KAZN: variants seen among roughly 807,000 people sequenced by gnomAD.
The protein encoded by KAZN is kazrin.
In KAZN, 40 loss-of-function variants were observed where a neutral mutation model predicts 87.4. The ratio of observed to expected loss-of-function variants is 0.46; its 90% CI spans 0.36 to 0.60. The LOEUF is 0.60. Ranked by LOEUF, KAZN falls within the 20% of genes least tolerant of loss-of-function variation. The pLI is 0.00. For missense variants in KAZN, 898 were observed against 1,073.9 expected, an observed-to-expected ratio of 0.84 and a Z score of 2.29; for synonymous variants, 466 against 458.3, an observed-to-expected ratio of 1.02 and a Z score of -0.22.
chr1:14,782,554 C>CAAAAAAAAAAAAAAAAAAAAAAA (rs71572122), intron 1 of KAZN, among the ~76,000 whole-genome samples: 2 of 66,252 alleles, frequency 3.0e-5, no homozygotes, highest in African/African-American at 5.8e-5. Flanking sequence ...CCTCAAAGAG[C>CAAAAAAAAAAAAAAAAAAAAAAA]AAAAAAAAAA....
intron 2 of KAZN, among the ~76,000 whole-genome samples, chr1:14,470,921 G>C (rs1378519591): frequency 6.6e-6 from 1 of 152,156 alleles, no homozygotes; most frequent in African/African-American, 2.4e-5. Flanking sequence ...GCTCTGGGGG[G>C]AGCCAGCTGC....
chr1:14,799,846 C>T (rs1170451503), intron 1 of KAZN, among the ~76,000 whole-genome samples: 1 of 152,158 alleles, frequency 6.6e-6, no homozygotes, highest in Non-Finnish European at 1.5e-5. Flanking sequence ...TTATAGGAAG[C>T]CTTGGAGACC....
rs1223136834 is a variant in KAZN at position 14,238,538 on chromosome 1, TAACA to T, written c.249+57956_249+57959del. On this transcript the variant is annotated intron_variant, in intron 2 of 16. Transcript: ENST00000636203. ...GCCTGGTGGTCACATACCAACATGT[TAACA>T]AACAAACAAGCAACAACACGCTTAT... 8.5e-5 allele frequency among the ~76,000 whole-genome samples: 13 copies of T among 152,352 alleles called. 1 individual carries two copies. Among genetic ancestry groups the T allele is most frequent in the South Asian group, 2.1e-4 (1 of 4,826 alleles).
chr1:15,042,219 G>A (rs1249294632), intron 3 of KAZN, among the ~76,000 whole-genome samples: 1 of 152,192 alleles, frequency 6.6e-6, no homozygotes, highest in Non-Finnish European at 1.5e-5. Context: ...CATTTTATAA[G>A]CAGCCTCTTG....
At chr1:15,058,823 A>T (rs956116840) in intron 5 of KAZN, among the ~76,000 whole-genome samples, 1 of 152,134 alleles carries the variant, frequency 6.6e-6, no homozygotes, top group African/African-American at 2.4e-5. Context: ...GTTCGAGACC[A>T]GCCTGGCCAG....
At chr1:14,991,227 G>A (rs10927620) in intron 2 of KAZN, among the ~76,000 whole-genome samples, 63,532 of 151,704 alleles carry the variant, frequency 0.42, 15,068 homozygotes, top group African/African-American at 0.63. Flanking sequence ...GGTGGTGGGC[G>A]CCTGTAATCC....
At chr1:15,031,735 C>T (rs1671729571) in intron 2 of KAZN, among the ~76,000 whole-genome samples, 1 of 152,066 alleles carries the variant, frequency 6.6e-6, no homozygotes, top group Non-Finnish European at 1.5e-5. Context: ...TACCAAGTAG[C>T]TGGGACCACA....
At chr1:14,327,755 G>T (rs1365909772) in intron 2 of KAZN, among the ~76,000 whole-genome samples, 1 of 152,174 alleles carries the variant, frequency 6.6e-6, no homozygotes, top group Non-Finnish European at 1.5e-5. Flanking sequence ...GCTATCATCA[G>T]CCCCACGGTG....
intron 1 of KAZN, among the ~76,000 whole-genome samples, chr1:14,000,728 G>T (rs950044206): frequency 1.3e-5 from 2 of 152,160 alleles, no homozygotes; most frequent in Middle Eastern, 3.2e-3. Flanking sequence ...AAGAAATAAA[G>T]GTATTCAGAT....
At chr1:14,528,857 TCTCCTCTGAACAAACTCCA>T (rs1672056178) in intron 2 of KAZN, among the ~76,000 whole-genome samples, 1 of 151,566 alleles carries the variant, frequency 6.6e-6, no homozygotes, top group Non-Finnish European at 1.5e-5. Flanking sequence ...CAACATTGTC[TCTCCTCTGAACAAACTCCA>T]CTTTATTCAT....
chr1:14,676,162 T>TCAAA (rs1640207567), intron 1 of KAZN, among the ~76,000 whole-genome samples: 1 of 152,242 alleles, frequency 6.6e-6, no homozygotes, highest in African/African-American at 2.4e-5. Context: ...CCTCCTCGGA[T>TCAAA]GCTGGCATTG....
intron 1 of KAZN, among the ~76,000 whole-genome samples, chr1:13,907,349 G>A (rs1389647187): frequency 6.6e-6 from 1 of 152,196 alleles, no homozygotes; most frequent in African/African-American, 2.4e-5. Context: ...ACTGTGCCAG[G>A]ATGCTTGGCA....
intron 1 of KAZN, among the ~76,000 whole-genome samples, chr1:13,990,884 C>T (rs1317701824): frequency 6.6e-6 from 1 of 152,116 alleles, no homozygotes; most frequent in Non-Finnish European, 1.5e-5. Flanking sequence ...TACTGTAAAT[C>T]CTTTCAACTT....
intron 1 of KAZN, among the ~76,000 whole-genome samples, chr1:14,925,005 C>G (rs974615816): frequency 3.3e-5 from 5 of 152,222 alleles, no homozygotes; most frequent in Non-Finnish European, 5.9e-5. Context: ...CCCTCCGAGG[C>G]GAAATTGATG....
intron 2 of KAZN, among the ~76,000 whole-genome samples, chr1:14,419,948 G>C (rs185343235): frequency 7.2e-5 from 11 of 152,162 alleles, no homozygotes; most frequent in Admixed American, 5.2e-4. Flanking sequence ...CTTCCACAAG[G>C]TGGAAGGGAA....
At chr1:14,792,620 G>T (rs1572494017) in intron 1 of KAZN, among the ~76,000 whole-genome samples, 1 of 152,114 alleles carries the variant, frequency 6.6e-6, no homozygotes, top group African/African-American at 2.4e-5. Flanking sequence ...GCCAAGCAGA[G>T]GGAACAGCAC....
Position 14,472,799 on chromosome 1 carries a change from T to G in KAZN, c.250-126184T>G, listed in dbSNP as rs529766348. 2.0e-5 allele frequency among the ~76,000 whole-genome samples: 3 copies of G among 152,254 alleles called. No individual in the cohort carries two copies. In the South Asian group the frequency reaches 6.2e-4, roughly 32 times the overall value. On this transcript the variant is annotated intron_variant, in intron 2 of 16. Coordinates refer to the KAZN transcript ENST00000636203. ...TTTCCTTATTCTCAGTAAATTTGTGTTTTTGTTTTTGTTTTCTTACCAAAG... is the reference window on the plus strand; with the variant it reads ...TTTCCTTATTCTCAGTAAATTTGTGGTTTTGTTTTTGTTTTCTTACCAAAG...
intron 1 of KAZN, among the ~76,000 whole-genome samples, chr1:14,884,898 G>A (rs555348596): frequency 8.5e-5 from 13 of 152,334 alleles, no homozygotes; most frequent in Non-Finnish European, 1.0e-4. Context: ...CAGCGATGGC[G>A]GAGGAAGAGG....
intron 1 of KAZN, among the ~76,000 whole-genome samples, chr1:14,173,213 G>A (rs7545273): frequency 0.12 from 18,696 of 152,190 alleles, 1,271 homozygotes; most frequent in East Asian, 0.33. Flanking sequence ...ACCAATAACT[G>A]TTGCAGTGAA....
Sources: gnomAD v4.1 joint callset for allele counts (sites outside exome capture counted in the v4.1 genomes callset) on GRCh38, gnomAD v4.1.1 for gene constraint, MANE v1.5 for transcripts, NCBI Gene and HGNC (gene_info 2026-07-23, HGNC 2026-07-21) for gene names.